The following KCNIP4 variants were observed in gnomAD, a reference collection of about 807,000 sequenced individuals.
KCNIP4 encodes Kv channel-interacting protein 4.
In KCNIP4, 12 loss-of-function variants were observed where a neutral mutation model predicts 34.0. The observed-to-expected ratio is 0.35, with a 90% CI of 0.23 to 0.57. The LOEUF (loss-of-function observed/expected upper bound fraction) is 0.57. Among genes scored for constraint, KCNIP4 ranks in the 20% least tolerant of loss-of-function variants. The probability of loss-of-function intolerance (pLI) is 0.83; values close to 1 mark genes in which losing one functional copy is unlikely to be tolerated. For synonymous variants in KCNIP4, 124 were observed against 102.2 expected, an observed-to-expected ratio of 1.21 and a Z score of -1.29; for missense variants, 238 against 311.7, an observed-to-expected ratio of 0.76 and a Z score of 1.78.
chr4:21,404,133 G>C (rs1723774751), intron 1 of KCNIP4, among the ~76,000 whole-genome samples: 1 of 152,114 alleles, frequency 6.6e-6, no homozygotes, highest in African/African-American at 2.4e-5. Context: ...GCCTGGGGGG[G>C]CTCTCCCAGC....
intron 1 of KCNIP4, among the ~76,000 whole-genome samples, chr4:21,338,558 G>C (rs952844020): frequency 1.1e-4 from 16 of 151,176 alleles, no homozygotes; most frequent in Non-Finnish European, 1.2e-4. Flanking sequence ...AGTGAGCTGG[G>C]ATTGCGCCAT....
At chr4:20,949,536 C>CT (rs1162878833) in intron 1 of KCNIP4, among the ~76,000 whole-genome samples, 2 of 152,146 alleles carry the variant, frequency 1.3e-5, no homozygotes, top group East Asian at 3.9e-4. Flanking sequence ...ATAAATCATG[C>CT]TGCTATAAAG....
intron 1 of KCNIP4, among the ~76,000 whole-genome samples, chr4:21,352,529 G>A (rs186344132): frequency 4.3e-4 from 66 of 152,336 alleles, no homozygotes; most frequent in Non-Finnish European, 7.1e-4. Context: ...CACTGCTAGC[G>A]CAGCAGTCTG....
At chr4:20,827,259 C>G (rs573383679) in intron 3 of KCNIP4, among the ~76,000 whole-genome samples, 15 of 152,252 alleles carry the variant, frequency 9.9e-5, no homozygotes, top group African/African-American at 3.6e-4. Context: ...ATACCACGGA[C>G]TGGGTGGCTG....
intron 1 of KCNIP4, among the ~76,000 whole-genome samples, chr4:21,105,856 T>A (rs1314747948): frequency 1.3e-5 from 2 of 151,620 alleles, no homozygotes; most frequent in African/African-American, 4.9e-5. Context: ...GAGATAATCA[T>A]GTAGTTTTTG....
intron 1 of KCNIP4, among the ~76,000 whole-genome samples, chr4:21,109,098 T>G (rs903148261): frequency 3.3e-5 from 5 of 152,120 alleles, no homozygotes; most frequent in Non-Finnish European, 7.3e-5. Context: ...GATCTCCAGC[T>G]GCGTGCTGGG....
intron 1 of KCNIP4, among the ~76,000 whole-genome samples, chr4:21,892,596 TA>T (rs1246341634): frequency 1.3e-5 from 2 of 148,512 alleles, no homozygotes; most frequent in Non-Finnish European, 3.0e-5. Flanking sequence ...GAAGTCTACT[TA>T]AAAAATTAGG....
intron 1 of KCNIP4, among the ~76,000 whole-genome samples, chr4:20,920,589 G>A (rs1273842200): frequency 1.3e-5 from 2 of 152,152 alleles, no homozygotes; most frequent in Non-Finnish European, 2.9e-5. Flanking sequence ...CTGGACTTTT[G>A]TCTAGTCATG....
At chr4:21,286,294 A>G (rs981197124) in intron 1 of KCNIP4, among the ~76,000 whole-genome samples, 1 of 152,238 alleles carries the variant, frequency 6.6e-6, no homozygotes, top group African/African-American at 2.4e-5. Context: ...CCTGCCTATG[A>G]TAAGGCCACC....
At chr4:20,996,118 C>T (rs1737532062) in intron 1 of KCNIP4, among the ~76,000 whole-genome samples, 1 of 152,128 alleles carries the variant, frequency 6.6e-6, no homozygotes, top group South Asian at 2.1e-4. Flanking sequence ...AGACCCTAAA[C>T]AAATCCAATC....
intron 1 of KCNIP4, among the ~76,000 whole-genome samples, chr4:21,711,056 G>T (rs889523848): frequency 7.9e-5 from 12 of 152,172 alleles, no homozygotes; most frequent in African/African-American, 2.9e-4. Context: ...AAGTTAAGAA[G>T]ATATGTACAT....
At chr4:20,900,463 C>T (rs1400252610) in intron 1 of KCNIP4, among the ~76,000 whole-genome samples, 2 of 152,200 alleles carry the variant, frequency 1.3e-5, no homozygotes, top group East Asian at 3.9e-4. Context: ...CAATACATAT[C>T]TGTTTAATGA....
intron 1 of KCNIP4, among the ~76,000 whole-genome samples, chr4:21,299,689 T>TCCTA (rs1458858291): frequency 2.6e-5 from 4 of 152,118 alleles, no homozygotes; most frequent in Non-Finnish European, 5.9e-5. Context: ...AATCAGCCCC[T>TCCTA]CCTAGTCATC....
At chr4:21,368,523 A>G (rs1006011658) in intron 1 of KCNIP4, among the ~76,000 whole-genome samples, 1 of 147,264 alleles carries the variant, frequency 6.8e-6, no homozygotes, top group Admixed American at 6.6e-5. Context: ...TATTAGTCCA[A>G]TATTATCTTC....
intron 1 of KCNIP4, among the ~76,000 whole-genome samples, chr4:21,082,229 C>T (rs1746065493): frequency 6.6e-6 from 1 of 151,686 alleles, no homozygotes; most frequent in African/African-American, 2.4e-5. Flanking sequence ...CAGCTGATAG[C>T]TCATTAAGGC....
At chr4:21,388,670 T>C (rs1722260651) in intron 1 of KCNIP4, among the ~76,000 whole-genome samples, 1 of 152,190 alleles carries the variant, frequency 6.6e-6, no homozygotes, top group South Asian at 2.1e-4. Context: ...TACCCTCCAC[T>C]TTTCCCCAAC....
chr4:20,871,500 A>G (rs1435862107), intron 2 of KCNIP4, among the ~76,000 whole-genome samples: 1 of 151,622 alleles, frequency 6.6e-6, no homozygotes, highest in Non-Finnish European at 1.5e-5. Flanking sequence ...AGTGGCAGGG[A>G]CTCCAGAGTA....
intron 1 of KCNIP4, among the ~76,000 whole-genome samples, chr4:21,267,567 G>A (rs1761892355): frequency 1.3e-5 from 2 of 149,482 alleles, no homozygotes; most frequent in South Asian, 4.4e-4. Flanking sequence ...AAGCGTTGTT[G>A]AATTTTGTCA....
intron 1 of KCNIP4, chr4:21,613,348 T>C (rs1577693286): frequency 1.3e-5 from 2 of 152,296 alleles, no homozygotes; most frequent in African/African-American, 4.8e-5. Flanking sequence ...TGGGCCACCA[T>C]GCATGAGGAC....
Sources: gnomAD v4.1 joint callset for allele counts (sites outside exome capture counted in the v4.1 genomes callset) on GRCh38, gnomAD v4.1.1 for gene constraint, MANE v1.5 for transcripts, NCBI Gene and HGNC (gene_info 2026-07-23, HGNC 2026-07-21) for gene names.